AGXT: variants seen among roughly 807,000 people sequenced by gnomAD.
AGXT encodes the protein alanine--glyoxylate aminotransferase.
Under a neutral mutation model 46.9 loss-of-function variants are expected in AGXT, and 41 were observed. The ratio of observed to expected loss-of-function variants is 0.88; its 90% CI spans 0.68 to 1.14. AGXT has a LOEUF of 1.14. Ranked by LOEUF, AGXT falls within the 50% of genes most tolerant of loss-of-function variation. The probability of loss-of-function intolerance (pLI) is 0.00; values close to 1 mark genes in which losing one functional copy is unlikely to be tolerated. For missense variants in AGXT, 525 were observed against 522.7 expected (o/e 1.00, Z -0.04); for synonymous variants, 244 against 227.9 (o/e 1.07, Z -0.64).
chr2:240,872,025 A>G (rs527955990), intron 4 of AGXT, among the ~76,000 whole-genome samples: 1 of 152,388 alleles, frequency 6.6e-6, no homozygotes, highest in Non-Finnish European at 1.5e-5. Context: ...GTGGCCATGA[A>G]TAAAGCTCAC....
At chr2:240,875,353 A>T (rs2059018518) in intron 7 of AGXT, 149 bp downstream of exon 7, 1 of 705,060 alleles carries the variant, frequency 1.4e-6, no homozygotes, top group East Asian at 2.7e-5. Flanking sequence ...CGCCTGCATC[A>T]GGCAGTCAAA....
intron 5 of AGXT, chr2:240,873,426 G>T: frequency 3.3e-6 from 1 of 301,628 alleles, no homozygotes; most frequent in Non-Finnish European, 6.3e-6. Flanking sequence ...TCTGCCCTGC[G>T]CCCTGCCAGG....
intron 8 of AGXT, among the ~76,000 whole-genome samples, chr2:240,876,749 T>A (rs1232766441): frequency 6.6e-6 from 1 of 152,098 alleles, no homozygotes; most frequent in African/African-American, 2.4e-5. Context: ...GGTGCCCCTG[T>A]AAGCTAAATG....
intron 4 of AGXT, among the ~76,000 whole-genome samples, chr2:240,872,466 G>A (rs1031231819): frequency 1.3e-5 from 2 of 151,914 alleles, no homozygotes; most frequent in Admixed American, 1.3e-4. Flanking sequence ...AGGAGGGCGA[G>A]AGTTCGTGAA....
chr2:240,871,544 G>T, intron 4 of AGXT, 95 bp downstream of exon 4: 3 of 1,136,610 alleles, frequency 2.6e-6, no homozygotes, highest in Non-Finnish European at 3.8e-6. Context: ...TCTGCCCCTG[G>T]TCCCCACCCC....
chr2:240,878,564 G>C, intron 10 of AGXT, 150 bp from the exon 11 acceptor site: 1 of 750,580 alleles, frequency 1.3e-6, no homozygotes, highest in Non-Finnish European at 2.2e-6. Context: ...GGCCCCCTCT[G>C]TGACCTGCAC....
intron 4 of AGXT, among the ~76,000 whole-genome samples, chr2:240,872,370 T>C (rs1575708972): frequency 3.0e-5 from 4 of 131,568 alleles, no homozygotes; most frequent in Non-Finnish European, 4.8e-5. Context: ...CGGAGGAGGG[T>C]GAGAGTTCGT....
In AGXT at chr2:240,877,790, C is replaced by T. The variant is rs116920875; in HGVS notation, c.942+158C>T. Among the ~76,000 whole-genome samples the T allele has an allele frequency of 7.2e-3, 1,092 of 152,302 alleles. 29 individuals are homozygous for T. In the East Asian group the frequency reaches 0.074, roughly 10 times the overall value. ...CAGGGATTAGTCTCGGCAGGAGCCACGAAGTCACAGCTCCCGGCCTCTGAT... is the reference window on the plus strand; with the variant it reads ...CAGGGATTAGTCTCGGCAGGAGCCATGAAGTCACAGCTCCCGGCCTCTGAT... On this transcript the variant is annotated intron_variant, in intron 9 of 10. Coordinates refer to ENST00000307503, the MANE Select transcript of AGXT (RefSeq NM_000030.3).
chr2:240,872,149 T>C (rs1432153383), intron 4 of AGXT, among the ~76,000 whole-genome samples: 1 of 151,842 alleles, frequency 6.6e-6, no homozygotes, highest in Non-Finnish European at 1.5e-5. Flanking sequence ...TGGAGGAGGG[T>C]GAGAGTTTGT....
Position 240,878,050 on chromosome 2 carries a change from T to C in AGXT, c.971T>C (p.Val324Ala), listed in dbSNP as rs1297535599. 6.2e-7 allele frequency: 1 copy of C among 1,612,966 alleles called. No individual in the cohort carries two copies. Among genetic ancestry groups the C allele is most frequent in the South Asian group, 1.1e-5 (1 of 91,088 alleles). Residue 324 changes from valine (V) to alanine (A), a missense_variant, in exon 10 of 11, where the codon GTG (valine) becomes GCG (alanine). Coordinates refer to ENST00000307503, the MANE Select transcript of AGXT (RefSeq NM_000030.3). ...CTCCGGCTTCCCACAGTCACCACTG[T>C]GGCTGTACCCGCTGGCTATGACTGG... Reference protein sequence around the residue: ...PALRLPTVTTVAVPAGYDWRD... With the variant: ...PALRLPTVTTAAVPAGYDWRD...
At position 240,869,398 on chromosome 2, in the gene AGXT, C is replaced by G. The variant is rs2058979439; in HGVS notation, c.358+36C>G. 3.3e-6 allele frequency: 5 copies of G among 1,525,204 alleles called. No homozygotes were observed. The East Asian group carries it at 1.1e-4, about 35-fold the overall frequency. The allele number at this position is 1,525,204 out of a possible 1,614,324, so 94.5% of individuals were successfully genotyped here. A position where few individuals can be genotyped will look rare whatever the true frequency, so the allele number is the denominator to read the frequency against. The stretch of plus-strand genomic sequence containing the variant: ...GGCCCAGGTGGGGATGGCCCTGGAT[C>G]CATCCTTCAAGGCCTCCCTGGCCTC... On this transcript the variant is annotated intron_variant, in intron 2 of 10. Coordinates refer to ENST00000307503, the MANE Select transcript of AGXT (RefSeq NM_000030.3).
At chr2:240,877,726 G>C in intron 9 of AGXT, 94 bp downstream of exon 9, 1 of 1,381,108 alleles carries the variant, frequency 7.2e-7, no homozygotes, top group Non-Finnish European at 1.0e-6. Flanking sequence ...TGGCTCCTGA[G>C]AAGGAGGGGG....
intron 4 of AGXT, 130 bp from the exon 5 acceptor site, chr2:240,872,849 G>A: frequency 1.3e-6 from 1 of 783,772 alleles, no homozygotes; most frequent in South Asian, 1.4e-5. Flanking sequence ...CAACTCCTGG[G>A]GTGGAGGTGG....
At position 240,869,147 on chromosome 2, in the gene AGXT, C is replaced by T. The variant is rs757949248; in HGVS notation, c.166-23C>T. 4.3e-6 allele frequency: 7 copies of T among 1,611,198 alleles called. No individual in the cohort carries two copies. The Admixed American group carries it at 6.7e-5, about 15-fold the overall frequency. ...TTGGGGAGGCGGGGAGCCTGGGTCT[C>T]ACCCTATACCACCCGCATGCAGATC... On this transcript the variant is annotated intron_variant, in intron 1 of 10. Coordinates refer to ENST00000307503, the MANE Select transcript of AGXT (RefSeq NM_000030.3).
At chr2:240,871,687 A>C (rs1366424852) in intron 4 of AGXT, among the ~76,000 whole-genome samples, 6 of 151,930 alleles carry the variant, frequency 3.9e-5, no homozygotes, top group African/African-American at 1.5e-4. Flanking sequence ...GTGCCCACTG[A>C]CCTCTGTCCC....
chr2:240,870,046 G>A (rs539595534), intron 2 of AGXT, among the ~76,000 whole-genome samples: 7 of 152,304 alleles, frequency 4.6e-5, no homozygotes, highest in South Asian at 2.1e-4. Context: ...ATCAGGGCAC[G>A]CAGGCTCAGA....
At position 240,868,864 on chromosome 2, in the gene AGXT, C is replaced by G. The variant is rs1442951431; in HGVS notation, c.-2C>G. The G allele has an allele frequency of 6.2e-7, 1 of 1,609,344 alleles. No individual in the cohort carries two copies. The highest frequency in any genetic ancestry group is 8.5e-7 in the Non-Finnish European group (1 of 1,178,674). On this transcript the variant is annotated 5_prime_UTR_variant, in exon 1 of 11. Coordinates refer to ENST00000307503, the MANE Select transcript of AGXT (RefSeq NM_000030.3). Reference sequence around the variant, plus strand: ...TCCCGAGCGGCAGGTTGGGTGCGGACCATGGCCTCTCACAAGCTGCTGGTG... The same window carrying G: ...TCCCGAGCGGCAGGTTGGGTGCGGAGCATGGCCTCTCACAAGCTGCTGGTG...
Position 240,875,238 on chromosome 2 carries a change from G to T in AGXT, c.776+34G>T, listed in dbSNP as rs377205154. 7.8e-6 allele frequency: 12 copies of T among 1,541,788 alleles called. No homozygotes were observed. In the South Asian group the frequency reaches 1.1e-4, roughly 14 times the overall value. On this transcript the variant is annotated intron_variant, in intron 7 of 10. Coordinates refer to ENST00000307503, the MANE Select transcript of AGXT (RefSeq NM_000030.3). ...TGGCAGGGATGGGAAGGTGGAGGGC[G>T]CTGGGCATGGCTGAGAGGTGGGGCG...
At position 240,873,395 on chromosome 2, in the gene AGXT, C is replaced by A; in HGVS notation, c.595+346C>A. 3 of 328,646 alleles carry A rather than the reference C, an allele frequency of 9.1e-6. No individual in the cohort carries two copies. In the South Asian group the frequency reaches 1.1e-4, roughly 12 times the overall value. The allele number at this position is 328,646 out of a possible 1,614,324, so 20.4% of individuals were successfully genotyped here. On this transcript the variant is annotated intron_variant, in intron 5 of 10. Coordinates refer to ENST00000307503, the MANE Select transcript of AGXT (RefSeq NM_000030.3). ...GCGTTGGGCACCCCTCTGCCCAACC[C>A]CCCAGAGGCTCAGTTTCACATCTGC...
Sources: allele counts gnomAD v4.1 joint callset (sites outside exome capture counted in the v4.1 genomes callset), GRCh38; gene constraint gnomAD v4.1.1; transcripts MANE v1.5; gene names NCBI Gene and HGNC (gene_info 2026-07-23, HGNC 2026-07-21).